NEBL: variants seen among roughly 807,000 people sequenced by gnomAD.
The protein encoded by NEBL is LIM and SH3 protein 2.
NEBL carries 122 observed loss-of-function variants against 140.2 expected under a neutral mutation model. The ratio of observed to expected loss-of-function variants is 0.87; its 90% CI spans 0.75 to 1.01. The LOEUF is 1.01. NEBL is among the 50% of genes least tolerant of loss of function. The probability of loss-of-function intolerance (pLI) is 0.00; values close to 1 mark genes in which losing one functional copy is unlikely to be tolerated. For missense variants in NEBL, 1,365 were observed against 1,231.3 expected (o/e 1.11, Z -1.62); for synonymous variants, 436 against 398.9 (o/e 1.09, Z -1.11).
chr10:21,075,243 C>T (rs930606843), intron 2 of NEBL, among the ~76,000 whole-genome samples: 7 of 152,166 alleles, frequency 4.6e-5, no homozygotes, highest in African/African-American at 7.2e-5. Context: ...AACCCAAGAA[C>T]GGCCCAGCAA....
At chr10:21,078,815 T>C (rs1267389296) in intron 2 of NEBL, among the ~76,000 whole-genome samples, 1 of 152,222 alleles carries the variant, frequency 6.6e-6, no homozygotes, top group Non-Finnish European at 1.5e-5. Flanking sequence ...GGCAAAGCAC[T>C]AGAAGTTGCA....
chr10:20,967,954 A>T (rs1041580122), intron 3 of NEBL, among the ~76,000 whole-genome samples: 3 of 152,212 alleles, frequency 2.0e-5, no homozygotes, highest in African/African-American at 7.2e-5. Context: ...GACAAAAAAC[A>T]TGAGTGGGAG....
At chr10:21,006,467 T>C (rs1838143002) in intron 3 of NEBL, among the ~76,000 whole-genome samples, 1 of 152,218 alleles carries the variant, frequency 6.6e-6, no homozygotes, top group Non-Finnish European at 1.5e-5. Context: ...ATAATCTTTC[T>C]GTGACAATGC....
intron 2 of NEBL, among the ~76,000 whole-genome samples, chr10:21,075,600 T>C (rs151071772): frequency 1.3e-5 from 2 of 152,102 alleles, no homozygotes; most frequent in African/African-American, 4.8e-5. Flanking sequence ...AAGTGAGAGG[T>C]TGGCCACCGG....
intron 11 of NEBL, 50 bp downstream of exon 11, chr10:20,850,345 C>T (rs751093275): frequency 2.1e-6 from 3 of 1,398,778 alleles, no homozygotes; most frequent in East Asian, 4.6e-5. Context: ...TTTCAAATGA[C>T]AAAACATCAA....
chr10:21,030,905 T>C (rs1833751446), intron 2 of NEBL: 1 of 272,088 alleles, frequency 3.7e-6, no homozygotes, highest in Admixed American at 4.5e-5. Context: ...AAAAATGGTA[T>C]CTGAAAGATC....
At chr10:21,264,828 C>A (rs968137506) in intron 1 of NEBL, among the ~76,000 whole-genome samples, 1 of 148,544 alleles carries the variant, frequency 6.7e-6, no homozygotes, top group Non-Finnish European at 1.5e-5. Context: ...CTAGCAGATT[C>A]AGTGTCTGGA....
At chr10:20,976,747 C>T (rs892244466) in intron 3 of NEBL, among the ~76,000 whole-genome samples, 5 of 151,788 alleles carry the variant, frequency 3.3e-5, no homozygotes, top group Non-Finnish European at 7.4e-5. Flanking sequence ...AAGATGGGAA[C>T]AATAGACACT....
intron 4 of NEBL, among the ~76,000 whole-genome samples, chr10:20,903,669 C>T (rs1347337984): frequency 1.1e-4 from 16 of 152,168 alleles, no homozygotes; most frequent in Admixed American, 9.2e-4. Flanking sequence ...GCATACACCA[C>T]GGAATACAAC....
At position 21,120,292 on chromosome 10, in the gene NEBL, C is replaced by G. The variant is rs192415999; in HGVS notation, c.164+52091G>C. On this transcript the variant is annotated intron_variant, in intron 2 of 6. Coordinates refer to the NEBL transcript ENST00000417816. The stretch of plus-strand genomic sequence containing the variant: ...CTGGAGGCTGAGATAGAAGGATTAC[C>G]TAAGCCTAGGAGGTCAAGGCTACAG... 4.5e-3 allele frequency among the ~76,000 whole-genome samples: 663 copies of G among 148,610 alleles called. 3 individuals are homozygous for G. The highest frequency in any genetic ancestry group is 0.015 in the African/African-American group (615 of 40,186).
chr10:20,791,295 T>G (rs1835947378), intron 26 of NEBL, among the ~76,000 whole-genome samples: 1 of 152,232 alleles, frequency 6.6e-6, no homozygotes, highest in Non-Finnish European at 1.5e-5. Context: ...ATTTTCTGCT[T>G]AATGGTTATT....
chr10:21,084,918 G>C (rs529979621), intron 2 of NEBL, among the ~76,000 whole-genome samples: 2 of 152,172 alleles, frequency 1.3e-5, no homozygotes, highest in South Asian at 2.1e-4. Context: ...GGGAGTTTAC[G>C]CATGGCTAGC....
At chr10:21,200,525 G>A (rs1301289686) in intron 3 of NEBL, among the ~76,000 whole-genome samples, 2 of 152,004 alleles carry the variant, frequency 1.3e-5, no homozygotes, top group Middle Eastern at 3.2e-3. Flanking sequence ...TATTGGTCAG[G>A]CTGGTCTCGA....
intron 4 of NEBL, among the ~76,000 whole-genome samples, chr10:20,949,922 A>G (rs1194454362): frequency 1.3e-5 from 2 of 152,236 alleles, no homozygotes; most frequent in Non-Finnish European, 2.9e-5. Flanking sequence ...CTATTATTAA[A>G]CAAAGATTAT....
intron 2 of NEBL, among the ~76,000 whole-genome samples, chr10:21,052,073 A>T (rs1022332184): frequency 2.0e-5 from 3 of 152,182 alleles, no homozygotes; most frequent in Non-Finnish European, 4.4e-5. Context: ...TTTTTTAAAG[A>T]TATATGATAA....
intron 25 of NEBL, among the ~76,000 whole-genome samples, chr10:20,809,208 T>A (rs1049099610): frequency 6.6e-6 from 1 of 152,188 alleles, no homozygotes; most frequent in African/African-American, 2.4e-5. Context: ...CATAACTGCA[T>A]AACTGTCAGA....
chr10:20,897,684 T>A (rs1447150808), upstream of NEBL: 3 of 378,902 alleles, frequency 7.9e-6, no homozygotes, highest in African/African-American at 6.6e-5. Flanking sequence ...CAGACTTCCT[T>A]CTGACTTGGG....
chr10:20,828,067 TTAAAA>T (rs1169051088), intron 17 of NEBL, among the ~76,000 whole-genome samples: 2 of 150,540 alleles, frequency 1.3e-5, no homozygotes, highest in African/African-American at 4.9e-5. Context: ...ACCCCCAAAC[TTAAAA>T]TAAAAGTTAA....
intron 2 of NEBL, among the ~76,000 whole-genome samples, chr10:21,109,893 T>G (rs1721545806): frequency 6.6e-6 from 1 of 152,178 alleles, no homozygotes; most frequent in African/African-American, 2.4e-5. Flanking sequence ...TTCTTCTCTC[T>G]TATCTTCTTT....
Sources: allele counts gnomAD v4.1 joint callset (sites outside exome capture counted in the v4.1 genomes callset), GRCh38; gene constraint gnomAD v4.1.1; transcripts MANE v1.5; gene names NCBI Gene and HGNC (gene_info 2026-07-23, HGNC 2026-07-21).